GPC5: variants seen among roughly 807,000 people sequenced by gnomAD.
The protein encoded by GPC5 is glypican-5.
GPC5 carries 47 observed loss-of-function variants against 53.9 expected under a neutral mutation model. The ratio of observed to expected loss-of-function variants is 0.87; its 90% CI spans 0.69 to 1.11. The LOEUF is 1.11. Ranked by LOEUF, GPC5 falls within the 50% of genes most tolerant of loss-of-function variation. The pLI is 0.00. For missense variants in GPC5, 748 were observed against 713.1 expected (o/e 1.05, Z -0.56); for synonymous variants, 286 against 263.3 (o/e 1.09, Z -0.84).
chr13:92,122,375 G>A (rs1267161459), intron 6 of GPC5, among the ~76,000 whole-genome samples: 3 of 151,678 alleles, frequency 2.0e-5, no homozygotes, highest in Admixed American at 6.6e-5. Context: ...AACTTCTGAA[G>A]AGATACTGCC....
At chr13:91,907,899 C>G (rs372599859) in intron 5 of GPC5, 38 bp from the exon 6 acceptor site, 2 of 1,586,956 alleles carry the variant, frequency 1.3e-6, no homozygotes, top group Non-Finnish European at 1.7e-6. Context: ...ATACCCTGAT[C>G]AGGTACTAAG....
intron 6 of GPC5, among the ~76,000 whole-genome samples, chr13:91,989,621 A>C (rs2040439083): frequency 6.6e-6 from 1 of 152,200 alleles, no homozygotes; most frequent in Admixed American, 6.5e-5. Flanking sequence ...TACTAGAAAT[A>C]GTCAGGTAAA....
In GPC5 at chr13:91,694,483, C is replaced by A. The variant is rs150051507; in HGVS notation, c.1020+602C>A. On this transcript the variant is annotated intron_variant, in intron 3 of 7. Transcript: ENST00000377067. ...TAATTTTTAAAATGTAGTGTATACA[C>A]GGTCATGGTGTTTTATTCCTAGCAG... Among the ~76,000 whole-genome samples, 301 of 152,290 alleles carry A rather than the reference C, an allele frequency of 2.0e-3. 2 individuals carry two copies. The highest frequency in any genetic ancestry group is 6.8e-3 in the African/African-American group (282 of 41,568).
intron 2 of GPC5, among the ~76,000 whole-genome samples, chr13:91,456,989 T>A (rs1415459216): frequency 6.6e-6 from 1 of 152,050 alleles, no homozygotes; most frequent in Non-Finnish European, 1.5e-5. Flanking sequence ...AGGGAGCATT[T>A]GAATACATTT....
intron 7 of GPC5, among the ~76,000 whole-genome samples, chr13:92,389,325 A>G (rs1926613): frequency 0.51 from 78,080 of 151,856 alleles, 20,409 homozygotes; most frequent in East Asian, 0.55. Context: ...TCTCAAAACA[A>G]TCTTCCTCCA....
chr13:92,525,664 G>A (rs1316849407), intron 7 of GPC5, among the ~76,000 whole-genome samples: 1 of 151,946 alleles, frequency 6.6e-6, no homozygotes, highest in Non-Finnish European at 1.5e-5. Context: ...CAAAAGATAA[G>A]GACAGTTTCT....
At chr13:92,397,461 C>CT (rs1234202261) in intron 7 of GPC5, among the ~76,000 whole-genome samples, 1 of 152,212 alleles carries the variant, frequency 6.6e-6, no homozygotes, top group Non-Finnish European at 1.5e-5. Context: ...GTCCATTAAA[C>CT]TTTTTTCTTT....
intron 7 of GPC5, among the ~76,000 whole-genome samples, chr13:92,434,924 A>AT (rs910950562): frequency 6.6e-6 from 1 of 151,876 alleles, no homozygotes; most frequent in Non-Finnish European, 1.5e-5. Context: ...TCCAACTAAT[A>AT]TTTTTTTTGA....
chr13:91,706,078 A>C (rs1346998833), intron 3 of GPC5, among the ~76,000 whole-genome samples: 1 of 151,216 alleles, frequency 6.6e-6, no homozygotes, highest in Non-Finnish European at 1.5e-5. Context: ...ACAGATTTTC[A>C]CCATGTTGGC....
intron 7 of GPC5, among the ~76,000 whole-genome samples, chr13:92,622,744 A>G (rs1386432958): frequency 6.6e-6 from 1 of 152,082 alleles, no homozygotes; most frequent in African/African-American, 2.4e-5. Flanking sequence ...CTAATCCACG[A>G]TAATATGCCA....
chr13:91,700,873 A>G lies in GPC5; in HGVS notation c.1020+6992A>G, dbSNP rs2035977331. Reference sequence around the variant, plus strand: ...TATGAGCTGTTTGTCTCCTGGGAATAAGAAATTTTTAATAATGCCTAGTGA... The same window carrying G: ...TATGAGCTGTTTGTCTCCTGGGAATGAGAAATTTTTAATAATGCCTAGTGA... On this transcript the variant is annotated intron_variant, in intron 3 of 7. Coordinates refer to ENST00000377067, the MANE Select transcript of GPC5 (RefSeq NM_004466.6). Among the ~76,000 whole-genome samples, 3 of 152,312 alleles carry G rather than the reference A, an allele frequency of 2.0e-5. No homozygotes were observed. The South Asian group carries it at 6.2e-4, about 32-fold the overall frequency.
intron 5 of GPC5, 28 bp downstream of exon 5, chr13:91,756,448 C>T: frequency 6.5e-7 from 1 of 1,534,224 alleles, no homozygotes. Context: ...TGAAAACCTA[C>T]TAGTTACATC....
At chr13:92,536,856 T>C (rs993756351) in intron 7 of GPC5, among the ~76,000 whole-genome samples, 8 of 152,216 alleles carry the variant, frequency 5.3e-5, no homozygotes, top group African/African-American at 1.7e-4. Context: ...ATACAATATA[T>C]CAAATTTTAA....
chr13:92,675,550 A>T (rs1284275935), intron 7 of GPC5, among the ~76,000 whole-genome samples: 1 of 151,754 alleles, frequency 6.6e-6, no homozygotes, highest in Non-Finnish European at 1.5e-5. Context: ...TGATGCTTGG[A>T]AAGTGTGATT....
intron 7 of GPC5, among the ~76,000 whole-genome samples, chr13:92,239,014 G>A (rs969669116): frequency 6.0e-5 from 9 of 150,740 alleles, no homozygotes; most frequent in African/African-American, 2.2e-4. Context: ...TTTTTTCATG[G>A]AATTATCTTA....
intron 7 of GPC5, among the ~76,000 whole-genome samples, chr13:92,147,358 A>C (rs2138987502): frequency 6.6e-6 from 1 of 152,086 alleles, no homozygotes; most frequent in African/African-American, 2.4e-5. Flanking sequence ...TAGAACATAA[A>C]GTTATTACAA....
At chr13:91,813,422 T>C (rs535239202) in intron 5 of GPC5, among the ~76,000 whole-genome samples, 1 of 152,284 alleles carries the variant, frequency 6.6e-6, no homozygotes, top group African/African-American at 2.4e-5. Context: ...CAGCCATGCA[T>C]TGGGCTGCCA....
At chr13:91,559,794 A>T (rs2031160919) in intron 2 of GPC5, among the ~76,000 whole-genome samples, 2 of 152,084 alleles carry the variant, frequency 1.3e-5, no homozygotes, top group Admixed American at 1.3e-4. Flanking sequence ...TCATGAGTTA[A>T]GACAGGCAGT....
intron 2 of GPC5, among the ~76,000 whole-genome samples, chr13:91,532,814 A>G (rs1397775044): frequency 6.6e-6 from 1 of 152,102 alleles, no homozygotes; most frequent in African/African-American, 2.4e-5. Flanking sequence ...GCAGTGAGCC[A>G]AGGTAGCCAA....
Sources: allele counts gnomAD v4.1 joint callset (sites outside exome capture counted in the v4.1 genomes callset), GRCh38; gene constraint gnomAD v4.1.1; transcripts MANE v1.5; gene names NCBI Gene and HGNC (gene_info 2026-07-23, HGNC 2026-07-21).